The following PKD1L3 variants were observed in gnomAD, a reference collection of about 807,000 sequenced individuals.
The protein encoded by PKD1L3 is polycystin-1-like protein 3.
PKD1L3 carries 239 observed loss-of-function variants against 184.1 expected under a neutral mutation model. That is an observed-to-expected ratio of 1.30 (90% confidence interval 1.17 to 1.45). PKD1L3 has a LOEUF of 1.45. Ranked by LOEUF, PKD1L3 falls within the 40% of genes most tolerant of loss-of-function variation. The pLI is 0.00. For missense variants in PKD1L3, 2,660 were observed against 2,067.2 expected, an observed-to-expected ratio of 1.29 and a Z score of -5.56; for synonymous variants, 996 against 778.8, an observed-to-expected ratio of 1.28 and a Z score of -4.64.
intron 9 of PKD1L3, 133 bp from the exon 10 acceptor site, chr16:71,978,516 TATATAC>T (rs370179214): frequency 0.017 from 2,196 of 127,324 alleles, 25 homozygotes; most frequent in East Asian, 0.047. Flanking sequence ...TATATATATA[TATATAC>T]ATACATACAT....
intron 25 of PKD1L3, among the ~76,000 whole-genome samples, chr16:71,936,161 T>C (rs1597278840): frequency 6.6e-6 from 1 of 151,738 alleles, no homozygotes; most frequent in South Asian, 2.1e-4. Flanking sequence ...GCTTAAGATA[T>C]AAATATATTT....
Position 71,973,468 on chromosome 16 carries a change from A to C in PKD1L3, c.1809T>G (p.Ile603Met), listed in dbSNP as rs1440210366. 9 of 1,551,748 alleles carry C rather than the reference A, an allele frequency of 5.8e-6. No homozygotes were observed. The highest frequency in any genetic ancestry group is 7.8e-6 in the Non-Finnish European group (9 of 1,147,046). ...GCACAGCTGTTATATAGTAGGTGCC[A>C]ATCCCGTGCTGCAGATGCTCTGGAT... is the stretch of plus-strand genomic sequence containing the variant. ...VLNPEHLQHG[I>M]GTYYITAVLS... Residue 603 changes from isoleucine (I) to methionine (M), a missense_variant, in exon 12 of 30, where the codon ATT (isoleucine) becomes ATG (methionine). Ile to Met is a conservative substitution (Grantham distance 10). Coordinates refer to ENST00000620267, the MANE Select transcript of PKD1L3 (RefSeq NM_181536.2).
In PKD1L3 at chr16:71,950,285, G is replaced by C; in HGVS notation, c.3216C>G (p.Phe1072Leu). The C allele has an allele frequency of 1.3e-6, 2 of 1,529,446 alleles. No homozygotes were observed. The highest frequency in any genetic ancestry group is 1.8e-6 in the Non-Finnish European group (2 of 1,135,074). 94.7% of individuals were successfully genotyped at this position (1,529,446 alleles called of 1,614,324 possible). ...GCAGAACTCTATGCAGGTAACAGCA[G>C]AAATGATGGTGGTTTTCAGGAACAA... ...ARVVPENHHHFCCYLHRVLQR... is the reference protein window; with the variant it reads ...ARVVPENHHHLCCYLHRVLQR... The change falls in exon 20 of 30, where the codon TTC (phenylalanine) becomes TTG (leucine). Residue 1072 changes from phenylalanine to leucine, a missense_variant. By Grantham distance (22) the Phe-to-Leu change is conservative. Transcript: ENST00000620267.
chr16:71,993,438 T>A, intron 2 of PKD1L3, 106 bp from the exon 3 acceptor site: 1 of 728,372 alleles, frequency 1.4e-6, no homozygotes, highest in Non-Finnish European at 2.1e-6. Flanking sequence ...AAAACACAAA[T>A]TAAAAATTCC....
intron 6 of PKD1L3, among the ~76,000 whole-genome samples, chr16:71,983,374 T>TG (rs2040232668): frequency 6.6e-6 from 1 of 152,176 alleles, no homozygotes; most frequent in Non-Finnish European, 1.5e-5. Context: ...CTCGAACTCC[T>TG]GGGCTCAAGC....
intron 28 of PKD1L3, chr16:71,931,116 TTA>T (rs1164500560): frequency 1.3e-5 from 2 of 152,378 alleles, no homozygotes; most frequent in South Asian, 2.1e-4. Context: ...GTTTTTTACT[TTA>T]TGTTTACTGT....
intron 22 of PKD1L3, among the ~76,000 whole-genome samples, chr16:71,945,388 A>ATTTATT (rs1555514810): frequency 0.013 from 832 of 65,950 alleles, 16 homozygotes; most frequent in African/African-American, 0.038. Context: ...ACACACATAT[A>ATTTATT]TATATATATA....
chr16:71,943,590 AGCTCTAAGGACTAAGCAT>A (rs2038446742), intron 23 of PKD1L3, among the ~76,000 whole-genome samples: 1 of 149,404 alleles, frequency 6.7e-6, no homozygotes, highest in South Asian at 2.1e-4. Flanking sequence ...TATGGTGTTT[AGCTCTAAGGACTAAGCAT>A]GCACTCTGTC....
intron 17 of PKD1L3, among the ~76,000 whole-genome samples, chr16:71,953,571 G>A (rs1211668979): frequency 6.6e-6 from 1 of 152,216 alleles, no homozygotes; most frequent in Non-Finnish European, 1.5e-5. Context: ...CATGGTGGCA[G>A]AAGAGTGACA....
chr16:71,994,533 T>G (rs751220586), intron 2 of PKD1L3, among the ~76,000 whole-genome samples: 6 of 152,170 alleles, frequency 3.9e-5, no homozygotes, highest in Non-Finnish European at 8.8e-5. Context: ...ACATCATTCC[T>G]GCATGCTATT....
intron 2 of PKD1L3, among the ~76,000 whole-genome samples, chr16:71,995,547 C>T (rs1052523019): frequency 6.6e-6 from 1 of 151,760 alleles, no homozygotes; most frequent in African/African-American, 2.4e-5. Context: ...TGTTCTGTAC[C>T]TTTATTTTCC....
chr16:71,994,789 A>C (rs2040723806), intron 2 of PKD1L3, among the ~76,000 whole-genome samples: 1 of 152,110 alleles, frequency 6.6e-6, no homozygotes, highest in Non-Finnish European at 1.5e-5. Flanking sequence ...ACCTGAGGTC[A>C]GGAGTTCGAG....
intron 16 of PKD1L3, among the ~76,000 whole-genome samples, chr16:71,960,614 T>C (rs927904577): frequency 5.3e-5 from 8 of 151,848 alleles, no homozygotes; most frequent in African/African-American, 1.2e-4. Context: ...ACATATAAAA[T>C]ATGTCTATAC....
chr16:71,956,356 G>T (rs1428631829), intron 16 of PKD1L3, among the ~76,000 whole-genome samples: 1 of 151,722 alleles, frequency 6.6e-6, no homozygotes, highest in Non-Finnish European at 1.5e-5. Context: ...GCCATGCCTG[G>T]CTAATTTTTG....
At chr16:71,969,305 GTCTTT>G (rs573898151) in intron 13 of PKD1L3, among the ~76,000 whole-genome samples, 137 of 151,924 alleles carry the variant, frequency 9.0e-4, no homozygotes, top group Middle Eastern at 3.4e-3. Context: ...AGCTCTCTAG[GTCTTT>G]TCTTTTCTTT....
intron 6 of PKD1L3, 91 bp downstream of exon 6, chr16:71,983,945 G>A (rs1037148075): frequency 2.9e-5 from 43 of 1,482,090 alleles, no homozygotes; most frequent in Non-Finnish European, 3.6e-5. Flanking sequence ...TTACAGGCGT[G>A]AGCCACCGCA....
At chr16:71,986,180 G>A in intron 5 of PKD1L3, 41 bp downstream of exon 5, 1 of 1,544,948 alleles carries the variant, frequency 6.5e-7, no homozygotes. Context: ...TACTTTTTGG[G>A]GGTCACAAAG....
rs1328158578 is a variant in PKD1L3 at position 71,942,991 on chromosome 16, G to A, written c.3893C>T (p.Ala1298Val). ...ATTGGAGTTCTTTGCAGAGTAGATT[G>A]CAGTCATCAACAGGGTAAGGAAGAG... ...QILFLTLLMTAIYSAKNSNRF... is the reference protein window; with the variant it reads ...QILFLTLLMTVIYSAKNSNRF... Residue 1298 changes from alanine to valine, a missense_variant, in exon 24 of 30, where the codon GCA becomes GTA. Coordinates refer to ENST00000620267, the MANE Select transcript of PKD1L3 (RefSeq NM_181536.2). 3.9e-6 allele frequency: 6 copies of A among 1,551,222 alleles called. No individual in the cohort carries two copies. Among genetic ancestry groups the A allele is most frequent in the Admixed American group, 2.0e-5 (1 of 50,976 alleles).
intron 3 of PKD1L3, among the ~76,000 whole-genome samples, chr16:71,992,616 G>T (rs954430088): frequency 2.0e-5 from 3 of 152,180 alleles, no homozygotes; most frequent in African/African-American, 7.2e-5. Context: ...AAAGGATTGA[G>T]AAAAGCTGGA....
Sources: allele counts gnomAD v4.1 joint callset (sites outside exome capture counted in the v4.1 genomes callset), GRCh38; gene constraint gnomAD v4.1.1; transcripts MANE v1.5; gene names NCBI Gene and HGNC (gene_info 2026-07-23, HGNC 2026-07-21).